Variants in CYYR1 observed in about 807,000 individuals in gnomAD.
CYYR1 encodes the protein cysteine and tyrosine-rich protein 1.
A neutral mutation model predicts 15.2 loss-of-function variants in CYYR1; 14 were observed. That is an observed-to-expected ratio of 0.92 (90% CI 0.61 to 1.44). The LOEUF (loss-of-function observed/expected upper bound fraction) is 1.44. Among genes scored for constraint, CYYR1 ranks in the 40% most tolerant of loss-of-function variants. CYYR1 has a pLI of 0.00. For missense variants in CYYR1, 228 were observed against 209.5 expected, an observed-to-expected ratio of 1.09 and a Z score of -0.54; for synonymous variants, 80 against 77.4, an observed-to-expected ratio of 1.03 and a Z score of -0.18.
intron 3 of CYYR1, among the ~76,000 whole-genome samples, chr21:26,468,881 A>G (rs1206841018): frequency 6.6e-6 from 1 of 152,192 alleles, no homozygotes; most frequent in Non-Finnish European, 1.5e-5. Flanking sequence ...GAAGTGGCAG[A>G]AAGAGAAGGT....
At chr21:26,497,018 C>T (rs1279051377) in intron 2 of CYYR1, among the ~76,000 whole-genome samples, 1 of 152,060 alleles carries the variant, frequency 6.6e-6, no homozygotes, top group African/African-American at 2.4e-5. Flanking sequence ...TGAACAGTAA[C>T]TTATTATTTA....
chr21:26,510,715 G>C (rs972036257), intron 2 of CYYR1, among the ~76,000 whole-genome samples: 1 of 152,034 alleles, frequency 6.6e-6, no homozygotes, highest in East Asian at 1.9e-4. Context: ...TTATAGATTT[G>C]AGTACTAAGT....
intron 2 of CYYR1, among the ~76,000 whole-genome samples, chr21:26,500,256 G>GGCT (rs1251075582): frequency 6.6e-6 from 1 of 152,110 alleles, no homozygotes. Context: ...TGGGGATATG[G>GGCT]GCTGCAATAT....
At chr21:26,489,552 G>A (rs1011374555) in intron 2 of CYYR1, among the ~76,000 whole-genome samples, 5 of 151,490 alleles carry the variant, frequency 3.3e-5, no homozygotes, top group Non-Finnish European at 7.4e-5. Context: ...TTATATACAT[G>A]CACATACATA....
At chr21:26,571,141 CTGA>C (rs1980984211) in intron 1 of CYYR1, among the ~76,000 whole-genome samples, 1 of 152,202 alleles carries the variant, frequency 6.6e-6, no homozygotes, top group South Asian at 2.1e-4. Context: ...CCAGAGAAGA[CTGA>C]TAAGAACATG....
intron 2 of CYYR1, among the ~76,000 whole-genome samples, chr21:26,524,078 T>A (rs2065834349): frequency 6.6e-6 from 1 of 152,184 alleles, no homozygotes; most frequent in African/African-American, 2.4e-5. Flanking sequence ...GACAAATATA[T>A]TCATATGTGT....
intron 2 of CYYR1, among the ~76,000 whole-genome samples, chr21:26,562,248 AT>A (rs1980252371): frequency 2.0e-5 from 3 of 152,242 alleles, no homozygotes; most frequent in Admixed American, 2.0e-4. Context: ...ATAGTTTGTC[AT>A]AAATGGTTTC....
chr21:26,503,583 G>T (rs925586158), intron 2 of CYYR1: 1 of 152,106 alleles, frequency 6.6e-6, no homozygotes, highest in African/African-American at 2.4e-5. Context: ...TGTCCACAGA[G>T]TATCTGCCTG....
chr21:26,567,127 T>A (rs1299829807), intron 1 of CYYR1, among the ~76,000 whole-genome samples: 1 of 151,952 alleles, frequency 6.6e-6, no homozygotes, highest in East Asian at 1.9e-4. Flanking sequence ...TTCAAAATGA[T>A]GTATATTTTT....
At chr21:26,566,828 A>C (rs1391456923) in intron 1 of CYYR1, among the ~76,000 whole-genome samples, 5 of 151,978 alleles carry the variant, frequency 3.3e-5, no homozygotes, top group Admixed American at 2.6e-4. Context: ...GGCCAACATG[A>C]TAAAATCCCG....
In CYYR1 at chr21:26,573,073, AG is replaced by A. The variant is rs1160691451; in HGVS notation, c.-134del. 3 of 1,540,502 alleles carry A rather than the reference AG, an allele frequency of 1.9e-6. No individual in the cohort carries two copies. The East Asian group carries it at 7.5e-5, about 38-fold the overall frequency. On this transcript the variant is annotated 5_prime_UTR_variant, in exon 1 of 4. Transcript: ENST00000652641. ...TGGAGCAGAGACCCGGCCATTGCCT[AG>A]GGAGCCTTCCAAGGGAGCCCGGGCC...
rs766436363 is a variant in CYYR1, at chr21:26,467,416, G to A, written c.*1085C>T. ...AGAGAACAGATTATCAAAATTTTAC[G>A]AAGAAGAAAAAAATAATAGTTTTAA... On this transcript the variant is annotated 3_prime_UTR_variant, in exon 4 of 4. Transcript: ENST00000652641. 1.2e-4 allele frequency: 18 copies of A among 151,944 alleles called. No individual in the cohort carries two copies. Among genetic ancestry groups the A allele is most frequent in the Non-Finnish European group, 4.4e-5 (3 of 67,974 alleles). 9.4% of individuals were successfully genotyped at this position (151,944 alleles called of 1,614,324 possible).
intron 2 of CYYR1, among the ~76,000 whole-genome samples, chr21:26,500,038 T>G (rs909883462): frequency 1.3e-5 from 2 of 152,014 alleles, no homozygotes; most frequent in East Asian, 3.9e-4. Flanking sequence ...AAGTCCAAGA[T>G]CAAGGTGCTG....
chr21:26,468,680 G>T (rs1480985722), intron 3 of CYYR1, 46 bp from the exon 4 acceptor site: 3 of 1,439,706 alleles, frequency 2.1e-6, no homozygotes, highest in Non-Finnish European at 2.9e-6. Flanking sequence ...GCAAATATTT[G>T]CATTTCTACT....
Position 26,467,153 on chromosome 21 carries a change from TA to T in CYYR1, c.*1347del, listed in dbSNP as rs1232494428. On this transcript the variant is annotated 3_prime_UTR_variant, in exon 4 of 4. Transcript: ENST00000652641. Reference sequence around the variant, plus strand: ...GGATTAAGCATTTTAGATTTAATTGTAAAATGACACAAAAATCTAATCATCT... The same window carrying T: ...GGATTAAGCATTTTAGATTTAATTGTAAATGACACAAAAATCTAATCATCT... The T allele has an allele frequency of 1.3e-5, 2 of 152,278 alleles. No homozygotes were observed. Among genetic ancestry groups the T allele is most frequent in the East Asian group, 3.9e-4 (2 of 5,188 alleles). 9.4% of individuals were successfully genotyped at this position (152,278 alleles called of 1,614,324 possible). A position where few individuals can be genotyped will look rare whatever the true frequency, so the allele number is the denominator to read the frequency against.
chr21:26,487,610 C>A (rs2123427973), intron 2 of CYYR1, among the ~76,000 whole-genome samples: 1 of 152,118 alleles, frequency 6.6e-6, no homozygotes, highest in Non-Finnish European at 1.5e-5. Context: ...AAAAATAATG[C>A]ATTTTCTTCT....
At chr21:26,531,726 G>A (rs994820571) in intron 2 of CYYR1, among the ~76,000 whole-genome samples, 3 of 152,124 alleles carry the variant, frequency 2.0e-5, no homozygotes, top group African/African-American at 7.2e-5. Flanking sequence ...TTATAGCAGT[G>A]TGAGAACGGG....
At chr21:26,547,613 C>T (rs222956) in intron 2 of CYYR1, among the ~76,000 whole-genome samples, 123,071 of 152,118 alleles carry the variant, frequency 0.81, 49,971 homozygotes, top group African/African-American at 0.89. Context: ...ATGATTCTCT[C>T]CCATGCGCAT....
At chr21:26,505,166 T>C (rs1569151675) in intron 2 of CYYR1, among the ~76,000 whole-genome samples, 1 of 152,220 alleles carries the variant, frequency 6.6e-6, no homozygotes, top group East Asian at 1.9e-4. Flanking sequence ...AAAGAAAACA[T>C]GGCCCCTCTT....
Sources: gnomAD v4.1 joint callset for allele counts (sites outside exome capture counted in the v4.1 genomes callset) on GRCh38, gnomAD v4.1.1 for gene constraint, MANE v1.5 for transcripts, NCBI Gene and HGNC (gene_info 2026-07-23, HGNC 2026-07-21) for gene names.